The following PRR11 variants were observed in gnomAD, a reference collection of about 807,000 sequenced individuals.
PRR11 encodes the protein proline rich 11.
A neutral mutation model predicts 45.6 loss-of-function variants in PRR11; 30 were observed. The ratio of observed to expected loss-of-function variants is 0.66; its 90% CI spans 0.49 to 0.89. The LOEUF (loss-of-function observed/expected upper bound fraction) is 0.89. Among genes scored for constraint, PRR11 ranks in the 40% least tolerant of loss-of-function variants. The probability of loss-of-function intolerance (pLI) is 0.00; values close to 1 mark genes in which losing one functional copy is unlikely to be tolerated. For synonymous variants in PRR11, 128 were observed against 153.5 expected, an observed-to-expected ratio of 0.83 and a Z score of 1.23; for missense variants, 373 against 424.8, an observed-to-expected ratio of 0.88 and a Z score of 1.07.
rs59082405 is a variant in PRR11, at chr17:59,186,381, ATTTTTTTTTTTTTT to A, written c.402+839_402+852del. On this transcript the variant is annotated intron_variant, in intron 4 of 9. Coordinates refer to ENST00000262293, the MANE Select transcript of PRR11 (RefSeq NM_018304.4). Reference sequence around the variant, plus strand: ...AAAAAAATTTTGCCAGCTGTTTGTAATTTTTTTTTTTTTTTTTTTTTTTTTTTTTTTTTAGACAG... The same window carrying A: ...AAAAAAATTTTGCCAGCTGTTTGTAATTTTTTTTTTTTTTTTTTTAGACAG... Among the ~76,000 whole-genome samples, 601 of 84,680 alleles carry A rather than the reference ATTTTTTTTTTTTTT, an allele frequency of 7.1e-3. 1 individual carries two copies. The highest frequency in any genetic ancestry group is 9.9e-3 in the Non-Finnish European group (426 of 42,894). 55.6% of individuals were successfully genotyped at this position (84,680 alleles called of 152,430 possible).
At chr17:59,184,730 A>T (rs931007601) in intron 2 of PRR11, among the ~76,000 whole-genome samples, 1 of 152,058 alleles carries the variant, frequency 6.6e-6, no homozygotes, top group Non-Finnish European at 1.5e-5. Flanking sequence ...ATATTAGAAG[A>T]TCAATGTTCT....
intron 2 of PRR11, among the ~76,000 whole-genome samples, chr17:59,183,628 T>C (rs1369281398): frequency 6.6e-6 from 1 of 152,172 alleles, no homozygotes; most frequent in Non-Finnish European, 1.5e-5. Context: ...ATATTTCCAA[T>C]GGTGTCCCCA....
rs374237565 is a variant in PRR11, at chr17:59,203,208, TTTTGTTTG to T, written c.*1593_*1600del. Among the ~76,000 whole-genome samples the T allele has an allele frequency of 1.3e-4, 19 of 151,968 alleles. No individual in the cohort carries two copies. Among genetic ancestry groups the T allele is most frequent in the Non-Finnish European group, 1.9e-4 (13 of 67,952 alleles). On this transcript the variant is annotated 3_prime_UTR_variant, in exon 10 of 10. Transcript: ENST00000262293. ...GAGACCCACATCTATATATAGAGAT[TTTTGTTTG>T]TTTGTTTGTTTGTTTTGTTTTGTTT... is the stretch of plus-strand genomic sequence containing the variant.
chr17:59,164,338 C>G (rs1245391173), intron 1 of PRR11, among the ~76,000 whole-genome samples: 1 of 152,100 alleles, frequency 6.6e-6, no homozygotes, highest in East Asian at 1.9e-4. Context: ...CCTGAAAATT[C>G]TTATCTTTTA....
chr17:59,193,354 A>G, intron 4 of PRR11, 138 bp from the exon 5 acceptor site: 1 of 1,099,720 alleles, frequency 9.1e-7, no homozygotes, highest in Non-Finnish European at 1.3e-6. Flanking sequence ...ACTTATGATT[A>G]TAAATGAGAA....
intron 2 of PRR11, chr17:59,174,973 C>T (rs1792266726): frequency 1.2e-6 from 1 of 813,948 alleles, no homozygotes; most frequent in Admixed American, 1.9e-5. Flanking sequence ...TCCAACTACT[C>T]CAGGGAAACC....
In PRR11 at chr17:59,203,593, T is replaced by C. The variant is rs2046903258; in HGVS notation, c.*1962T>C. ...TAAACAGGTGTCCGGGTGCGGTTAC[T>C]CATGCCTGTAATCCGAGCACTTGTG... On this transcript the variant is annotated 3_prime_UTR_variant, in exon 10 of 10. Coordinates refer to ENST00000262293, the MANE Select transcript of PRR11 (RefSeq NM_018304.4). The C allele has an allele frequency of 6.6e-6, 1 of 152,178 alleles. No homozygotes were observed. The highest frequency in any genetic ancestry group is 2.4e-5 in the African/African-American group (1 of 41,440). The allele number at this position is 152,178 out of a possible 1,614,324, so 9.4% of individuals were successfully genotyped here.
intron 2 of PRR11, chr17:59,179,815 C>G: frequency 7.4e-7 from 1 of 1,351,238 alleles, no homozygotes; most frequent in East Asian, 2.4e-5. Context: ...CAGATTCGTC[C>G]GACCACTCCC....
chr17:59,159,562 A>G (rs1363175341), intron 1 of PRR11, among the ~76,000 whole-genome samples: 1 of 152,198 alleles, frequency 6.6e-6, no homozygotes, highest in Non-Finnish European at 1.5e-5. Flanking sequence ...CATTCTTTCT[A>G]AAGAAGAAAT....
chr17:59,169,828 C>G lies in PRR11; in HGVS notation c.76C>G (p.His26Asp). ...ATTATTCAAAAAAAAAGAAGCCTCTCACTTTCAGTCCAAGCTAATTACACC... is the reference window on the plus strand; with the variant it reads ...ATTATTCAAAAAAAAAGAAGCCTCTGACTTTCAGTCCAAGCTAATTACACC... ...ERLFKKKEAS[H>D]FQSKLITPPP... The change falls in exon 2 of 10, where the codon CAC becomes GAC. Residue 26 changes from histidine to aspartate, a missense_variant. Coordinates refer to ENST00000262293, the MANE Select transcript of PRR11 (RefSeq NM_018304.4). The G allele has an allele frequency of 1.2e-6, 2 of 1,612,264 alleles. No individual in the cohort carries two copies. Among genetic ancestry groups the G allele is most frequent in the Non-Finnish European group, 1.7e-6 (2 of 1,179,420 alleles).
In PRR11 at chr17:59,170,975, C is replaced by T. The variant is rs1196544983; in HGVS notation, c.128+1095C>T. ...AACCCACATCCTCTTTAAAGTAACA[C>T]ACGGCCAGGCGCGGTGGCTCATGCC... On this transcript the variant is annotated intron_variant, in intron 2 of 9. Transcript: ENST00000262293. Among the ~76,000 whole-genome samples, 3 of 152,250 alleles carry T rather than the reference C, an allele frequency of 2.0e-5. No individual in the cohort carries two copies. In the East Asian group the frequency reaches 5.8e-4, roughly 29 times the overall value.
chr17:59,188,764 C>A (rs186899393), intron 4 of PRR11, among the ~76,000 whole-genome samples: 56 of 151,946 alleles, frequency 3.7e-4, no homozygotes, highest in African/African-American at 1.4e-3. Context: ...CATGGCAAAA[C>A]CCCATCTCTA....
chr17:59,161,600 C>A (rs977081764), intron 1 of PRR11, among the ~76,000 whole-genome samples: 7 of 151,662 alleles, frequency 4.6e-5, no homozygotes, highest in East Asian at 1.9e-4. Flanking sequence ...AATAAAAAAA[C>A]CAGCTGGGCA....
intron 1 of PRR11, among the ~76,000 whole-genome samples, chr17:59,166,604 A>G (rs2046681013): frequency 6.6e-6 from 1 of 152,142 alleles, no homozygotes; most frequent in Admixed American, 6.6e-5. Context: ...GATCATTATG[A>G]TATATACTTA....
Position 59,185,578 on chromosome 17 carries a change from TA to T in PRR11, c.402+21del. 6.3e-7 allele frequency: 1 copy of T among 1,580,004 alleles called. No individual in the cohort carries two copies. Among genetic ancestry groups the T allele is most frequent in the Non-Finnish European group, 8.6e-7 (1 of 1,165,634 alleles). On this transcript the variant is annotated intron_variant, in intron 4 of 9. Transcript: ENST00000262293. The stretch of plus-strand genomic sequence containing the variant: ...AGCACTGAAGGTTGGTATTGTCAAA[TA>T]AAAAGCAAATCTGGAATTAGGTAAG...
intron 1 of PRR11, among the ~76,000 whole-genome samples, chr17:59,156,897 G>A (rs930824060): frequency 1.3e-5 from 2 of 152,202 alleles, no homozygotes; most frequent in African/African-American, 4.8e-5. Context: ...AAAGTGCTGG[G>A]ATTACAGGCG....
chr17:59,174,965 C>T, intron 2 of PRR11: 2 of 872,122 alleles, frequency 2.3e-6, no homozygotes, highest in Non-Finnish European at 3.7e-6. Flanking sequence ...CTACCTCCTC[C>T]AACTACTCCA....
intron 4 of PRR11, among the ~76,000 whole-genome samples, chr17:59,187,280 G>A (rs2046818625): frequency 6.6e-6 from 1 of 152,090 alleles, no homozygotes; most frequent in African/African-American, 2.4e-5. Context: ...CTTCACTTAA[G>A]AGTGAATCAG....
chr17:59,184,893 T>C (rs1408893520), intron 2 of PRR11, among the ~76,000 whole-genome samples, 161 bp from the exon 3 acceptor site: 1 of 146,924 alleles, frequency 6.8e-6, no homozygotes, highest in Non-Finnish European at 1.5e-5. Flanking sequence ...GACAGGGTTT[T>C]GCCATGTTGC....
Sources: gnomAD v4.1 joint callset for allele counts (sites outside exome capture counted in the v4.1 genomes callset) on GRCh38, gnomAD v4.1.1 for gene constraint, MANE v1.5 for transcripts, NCBI Gene and HGNC (gene_info 2026-07-23, HGNC 2026-07-21) for gene names.